NCOR2: variants seen among roughly 807,000 people sequenced by gnomAD.
NCOR2 encodes the protein CTG repeat protein 26.
NCOR2 carries 81 observed loss-of-function variants against 262.9 expected under a neutral mutation model. That is an observed-to-expected ratio of 0.31 (90% CI 0.26 to 0.37). The LOEUF is 0.37. Ranked by LOEUF, NCOR2 falls within the 10% of genes least tolerant of loss-of-function variation. NCOR2 has a pLI of 1.00. For synonymous variants in NCOR2, 1,659 were observed against 1,559.3 expected (o/e 1.06, Z -1.51); for missense variants, 3,385 against 3,621.4 (o/e 0.93, Z 1.68).
intron 34 of NCOR2, 37 bp from the exon 37 acceptor site, chr12:124,340,788 G>T (rs767066724): frequency 1.4e-6 from 2 of 1,475,370 alleles, no homozygotes; most frequent in Non-Finnish European, 1.8e-6. Context: ...TAGCCACAGG[G>T]AGGAGAGAGG....
At chr12:124,545,528 C>T (rs1189487642) in intron 1 of NCOR2, among the ~76,000 whole-genome samples, 1 of 152,226 alleles carries the variant, frequency 6.6e-6, no homozygotes, top group East Asian at 1.9e-4. Flanking sequence ...CTCGAAGCCC[C>T]CACCACACAG....
chr12:124,340,334 C>T (rs754096222), exon 36 of NCOR2: 22 of 1,612,632 alleles, frequency 1.4e-5, no homozygotes, highest in African/African-American at 2.7e-5. Flanking sequence ...TCGTGGTGGA[C>T]GTGAGGATGG....
At chr12:124,390,100 A>C (rs2041184444) in intron 16 of NCOR2, among the ~76,000 whole-genome samples, 1 of 152,190 alleles carries the variant, frequency 6.6e-6, no homozygotes, top group Non-Finnish European at 1.5e-5. Flanking sequence ...AGGGGAGGGC[A>C]ACAAACCTCA....
At chr12:124,528,683 T>C (rs978661587) in intron 1 of NCOR2, among the ~76,000 whole-genome samples, 2 of 152,174 alleles carry the variant, frequency 1.3e-5, no homozygotes, top group Non-Finnish European at 2.9e-5. Flanking sequence ...AGGAAAAAGG[T>C]GGTCCTGGCC....
chr12:124,525,498 C>A (rs1381839774), intron 1 of NCOR2, among the ~76,000 whole-genome samples: 1 of 152,262 alleles, frequency 6.6e-6, no homozygotes, highest in Non-Finnish European at 1.5e-5. Flanking sequence ...ATCTTGTTTG[C>A]TGTTTGCCAT....
intron 15 of NCOR2, among the ~76,000 whole-genome samples, chr12:124,400,251 C>G (rs1297789403): frequency 6.6e-6 from 1 of 152,114 alleles, no homozygotes; most frequent in East Asian, 1.9e-4. Flanking sequence ...CAACTGTCCC[C>G]CCACGTTAGA....
At chr12:124,346,940 C>G in intron 30 of NCOR2, 90 bp from the exon 33 acceptor site, 1 of 1,365,128 alleles carries the variant, frequency 7.3e-7, no homozygotes, top group South Asian at 1.7e-5. Flanking sequence ...GCTAGTCTGC[C>G]TGAGTTCAAA....
At chr12:124,420,719 G>A (rs2043157670) in intron 12 of NCOR2, among the ~76,000 whole-genome samples, 2 of 152,162 alleles carry the variant, frequency 1.3e-5, no homozygotes, top group Admixed American at 6.5e-5. Context: ...GTGATGCCAC[G>A]ATGCCCCCAC....
chr12:124,484,432 C>T (rs2047669197), intron 2 of NCOR2, among the ~76,000 whole-genome samples: 1 of 152,208 alleles, frequency 6.6e-6, no homozygotes, highest in South Asian at 2.1e-4. Flanking sequence ...TAAGCACACC[C>T]CACGGAGCTG....
chr12:124,370,533 C>T (rs2039414732), intron 20 of NCOR2, among the ~76,000 whole-genome samples: 1 of 152,160 alleles, frequency 6.6e-6, no homozygotes. Context: ...GAAAACAGAC[C>T]ACACTGTAGT....
At chr12:124,459,137 G>A (rs2136575410) in intron 5 of NCOR2, among the ~76,000 whole-genome samples, 1 of 152,340 alleles carries the variant, frequency 6.6e-6, no homozygotes, top group African/African-American at 2.4e-5. Context: ...TAACAGGAGG[G>A]CTATATAGGC....
chr12:124,365,538 C>A (rs964723141), intron 20 of NCOR2, among the ~76,000 whole-genome samples: 1 of 152,222 alleles, frequency 6.6e-6, no homozygotes, highest in Non-Finnish European at 1.5e-5. Context: ...ATGTGACCGG[C>A]CTGTTCTGCA....
At chr12:124,490,212 A>C (rs2048003814) in intron 1 of NCOR2, among the ~76,000 whole-genome samples, 1 of 152,036 alleles carries the variant, frequency 6.6e-6, no homozygotes, top group Non-Finnish European at 1.5e-5. Context: ...GCAGCTTCTC[A>C]GTGAGGCTCC....
chr12:124,426,633 G>A (rs374569179), exon 11 of NCOR2: 31 of 1,585,492 alleles, frequency 2.0e-5, no homozygotes, highest in Middle Eastern at 3.3e-4. Context: ...TCTCCCGGAA[G>A]GTCTCCTTCT....
chr12:124,537,520 C>CA (rs1313672028), upstream of NCOR2, among the ~76,000 whole-genome samples: 1 of 152,256 alleles, frequency 6.6e-6, no homozygotes, highest in African/African-American at 2.4e-5. Context: ...CAAGCAACTT[C>CA]ACCTCTCTGA....
chr12:124,333,788 G>A (rs2035481223), intron 41 of NCOR2, among the ~76,000 whole-genome samples: 1 of 152,242 alleles, frequency 6.6e-6, no homozygotes, highest in Admixed American at 6.5e-5. Context: ...GGGAGTGGGA[G>A]TGTGCGTGAG....
chr12:124,520,516 C>T (rs906390652), intron 1 of NCOR2, among the ~76,000 whole-genome samples: 9 of 152,212 alleles, frequency 5.9e-5, no homozygotes, highest in African/African-American at 2.2e-4. Flanking sequence ...CTCAGAGCGA[C>T]TGTGTGCTAT....
intron 1 of NCOR2, among the ~76,000 whole-genome samples, chr12:124,558,773 A>G (rs2051970137): frequency 6.6e-6 from 1 of 152,098 alleles, no homozygotes; most frequent in African/African-American, 2.4e-5. Context: ...GGGCTACGAC[A>G]CGGTCTGCAG....
chr12:124,363,537 C>T, intron 21 of NCOR2, 142 bp downstream of exon 23: 1 of 878,620 alleles, frequency 1.1e-6, no homozygotes, highest in Non-Finnish European at 1.6e-6. Flanking sequence ...CCCACCTCAG[C>T]TCCACGGGGA....
Sources: gnomAD v4.1 joint callset for allele counts (sites outside exome capture counted in the v4.1 genomes callset) on GRCh38, gnomAD v4.1.1 for gene constraint, MANE v1.5 for transcripts, NCBI Gene and HGNC (gene_info 2026-07-23, HGNC 2026-07-21) for gene names.